PLCB1: variants seen among roughly 807,000 people sequenced by gnomAD.
PLCB1 encodes phospholipase C beta 1, also known as 1-phosphatidylinositol 4,5-bisphosphate phosphodiesterase beta-1.
Under a neutral mutation model 161.8 loss-of-function variants are expected in PLCB1, and 46 were observed. The ratio of observed to expected loss-of-function variants is 0.28; its 90% CI spans 0.22 to 0.36. The LOEUF (loss-of-function observed/expected upper bound fraction) is 0.36. PLCB1 is among the 10% of genes least tolerant of loss of function. PLCB1 has a pLI of 1.00. For missense variants in PLCB1, 1,016 were observed against 1,472.5 expected (o/e 0.69, Z 5.07); for synonymous variants, 517 against 503.7 (o/e 1.03, Z -0.35).
chr20:8,398,725 A>G (rs1454782880), intron 3 of PLCB1, among the ~76,000 whole-genome samples: 2 of 151,796 alleles, frequency 1.3e-5, no homozygotes, highest in African/African-American at 2.4e-5. Flanking sequence ...AGGGAGACAA[A>G]CATTCACTTA....
intron 3 of PLCB1, among the ~76,000 whole-genome samples, chr20:8,574,306 G>T (rs2123058967): frequency 6.6e-6 from 1 of 152,296 alleles, no homozygotes; most frequent in East Asian, 1.9e-4. Context: ...GGCTGTGGCA[G>T]GGGAATTGCT....
At chr20:8,221,007 A>G (rs1008516256) in intron 2 of PLCB1, among the ~76,000 whole-genome samples, 1 of 152,198 alleles carries the variant, frequency 6.6e-6, no homozygotes, top group Non-Finnish European at 1.5e-5. Context: ...CACTCTGGGA[A>G]GTTGGAAATC....
chr20:8,638,133 A>G (rs1183406120), intron 4 of PLCB1, among the ~76,000 whole-genome samples: 1 of 152,164 alleles, frequency 6.6e-6, no homozygotes, highest in Non-Finnish European at 1.5e-5. Context: ...TGACCTCACA[A>G]TCCGCCCACC....
chr20:8,174,819 C>T (rs2051766133), intron 2 of PLCB1, among the ~76,000 whole-genome samples: 1 of 152,112 alleles, frequency 6.6e-6, no homozygotes, highest in South Asian at 2.1e-4. Context: ...GAGGTCAATG[C>T]AGGAGGATTG....
chr20:8,659,728 A>G (rs908335560), intron 9 of PLCB1, among the ~76,000 whole-genome samples: 1 of 152,170 alleles, frequency 6.6e-6, no homozygotes, highest in Non-Finnish European at 1.5e-5. Flanking sequence ...ACTGTGGCTC[A>G]CGTCTGTAAT....
chr20:8,740,935 A>G (rs1019013086), intron 22 of PLCB1, among the ~76,000 whole-genome samples: 17 of 152,250 alleles, frequency 1.1e-4, no homozygotes, highest in African/African-American at 4.1e-4. Context: ...CTGTCCATCC[A>G]AAGCTGGCAG....
chr20:8,818,524 A>G (rs7271845), intron 31 of PLCB1, among the ~76,000 whole-genome samples: 5,022 of 152,350 alleles, frequency 0.033, 232 homozygotes, highest in African/African-American at 0.11. Context: ...GTGAATAACT[A>G]TTCAGAATAA....
intron 2 of PLCB1, among the ~76,000 whole-genome samples, chr20:8,218,642 T>G (rs1322284166): frequency 6.6e-6 from 1 of 151,748 alleles, no homozygotes; most frequent in Non-Finnish European, 1.5e-5. Context: ...TATTGACAAA[T>G]AAAAATAGGC....
intron 2 of PLCB1, among the ~76,000 whole-genome samples, chr20:8,330,320 T>G (rs374143065): frequency 1.3e-5 from 2 of 152,324 alleles, no homozygotes; most frequent in East Asian, 1.9e-4. Flanking sequence ...GTTAAGCAAC[T>G]TGCACCAAGC....
chr20:8,818,735 A>C (rs1282805380), intron 31 of PLCB1, among the ~76,000 whole-genome samples: 1 of 152,124 alleles, frequency 6.6e-6, no homozygotes, highest in African/African-American at 2.4e-5. Flanking sequence ...AGCCAATAGC[A>C]TAAAAATAAG....
intron 27 of PLCB1, among the ~76,000 whole-genome samples, chr20:8,784,581 G>C (rs1983396183): frequency 6.7e-6 from 1 of 149,206 alleles, no homozygotes; most frequent in African/African-American, 2.5e-5. Context: ...AAAAAAGGCT[G>C]AGATGAGCAG....
intron 3 of PLCB1, among the ~76,000 whole-genome samples, chr20:8,436,444 AAC>A (rs1491356599): frequency 0.043 from 5,683 of 133,032 alleles, 367 homozygotes; most frequent in African/African-American, 0.14. Flanking sequence ...AGAAAAAAAA[AAC>A]AAGACAACAA....
At chr20:8,342,383 A>G (rs1460423677) in intron 2 of PLCB1, among the ~76,000 whole-genome samples, 1 of 152,238 alleles carries the variant, frequency 6.6e-6, no homozygotes. Flanking sequence ...AAGCAAAATA[A>G]GGAAGATGCA....
chr20:8,663,739 A>G (rs1033785392), intron 9 of PLCB1, among the ~76,000 whole-genome samples: 1 of 152,140 alleles, frequency 6.6e-6, no homozygotes, highest in Non-Finnish European at 1.5e-5. Context: ...AAAATTACAC[A>G]TTGAAAAATG....
At chr20:8,505,098 CA>C (rs1378617259) in intron 3 of PLCB1, among the ~76,000 whole-genome samples, 2 of 152,100 alleles carry the variant, frequency 1.3e-5, no homozygotes, top group East Asian at 3.8e-4. Flanking sequence ...CTGGCCTCAG[CA>C]ATCCTCCTGG....
In PLCB1 at chr20:8,724,665, G is replaced by C. The variant is rs1979835329; in HGVS notation, c.1591G>C (p.Gly531Arg). Reference protein sequence around the residue: ...KKSSMDEGTAGSEAMATEEMS... With the variant: ...KKSSMDEGTARSEAMATEEMS... Reference sequence around the variant, plus strand: ...TTATTCCTACTTCCAGGGGACTGCTGGAAGTGAGGCTATGGCCACAGAAGA... The same window carrying C: ...TTATTCCTACTTCCAGGGGACTGCTCGAAGTGAGGCTATGGCCACAGAAGA... Residue 531 changes from glycine (G) to arginine (R), a missense_variant, in exon 16 of 32, where the codon GGA becomes CGA. Physicochemically the swap from Gly to Arg is moderately radical, Grantham distance 125. This residue lies in a region of PLCB1 where 109 missense variants were observed against 129.7 expected (regional missense o/e 0.84). Coordinates refer to ENST00000338037, the MANE Select transcript of PLCB1 (RefSeq NM_015192.4). 2 of 1,590,574 alleles carry C rather than the reference G, an allele frequency of 1.3e-6. No homozygotes were observed. The highest frequency in any genetic ancestry group is 1.7e-6 in the Non-Finnish European group (2 of 1,159,326).
At chr20:8,665,598 T>A (rs1372199177) in intron 9 of PLCB1, among the ~76,000 whole-genome samples, 2 of 152,216 alleles carry the variant, frequency 1.3e-5, no homozygotes, top group Admixed American at 1.3e-4. Context: ...TTCTTTTCTA[T>A]ACCTTTTTAT....
At position 8,697,672 on chromosome 20, in the gene PLCB1, G is replaced by A; in HGVS notation, c.1056G>A (p.Val352=). 2 of 1,614,206 alleles carry A rather than the reference G, an allele frequency of 1.2e-6. No homozygotes were observed. The highest frequency in any genetic ancestry group is 2.2e-5 in the South Asian group (2 of 91,084). The change falls in exon 11 of 32, where the codon GTG becomes GTA. Residue 352 remains valine, a synonymous_variant. Transcript: ENST00000338037. ...CCTCTGTTGAGATGTATCGCCAAGT[G>A]CTCCTGTCTGGTTGTCGCTGTGTGG... ...GNSSVEMYRQ[V]LLSGCRCVEL...
chr20:8,390,158 G>A (rs1987546536), intron 3 of PLCB1, among the ~76,000 whole-genome samples: 1 of 152,156 alleles, frequency 6.6e-6, no homozygotes, highest in South Asian at 2.1e-4. Flanking sequence ...GTGGCTTAAA[G>A]CTTAAACAAC....
Sources: allele counts gnomAD v4.1 joint callset (sites outside exome capture counted in the v4.1 genomes callset), GRCh38; gene constraint gnomAD v4.1.1; regional missense constraint gnomAD v4.1.1; transcripts MANE v1.5; gene names NCBI Gene and HGNC (gene_info 2026-07-23, HGNC 2026-07-21).